Variants in LHFPL3 observed in about 807,000 individuals in gnomAD.
LHFPL3 encodes LHFPL tetraspan subfamily member 3 protein.
Under a neutral mutation model 19.3 loss-of-function variants are expected in LHFPL3, and 5 were observed. That is an observed-to-expected ratio of 0.26 (90% CI 0.14 to 0.54). The LOEUF is 0.54. LHFPL3 is among the 20% of genes least tolerant of loss of function. The pLI is 0.94. For synonymous variants in LHFPL3, 133 were observed against 126.2 expected, an observed-to-expected ratio of 1.05 and a Z score of -0.36; for missense variants, 249 against 307.4, an observed-to-expected ratio of 0.81 and a Z score of 1.42.
intron 2 of LHFPL3, among the ~76,000 whole-genome samples, chr7:104,893,641 TACAA>T (rs1792296144): frequency 1.3e-5 from 2 of 152,292 alleles, no homozygotes; most frequent in South Asian, 4.1e-4. Flanking sequence ...TCAGAGCATT[TACAA>T]ACATTTATTA....
At chr7:104,396,028 T>G (rs905817890) in intron 1 of LHFPL3, among the ~76,000 whole-genome samples, 4 of 152,100 alleles carry the variant, frequency 2.6e-5, no homozygotes, top group East Asian at 3.9e-4. Flanking sequence ...GAAGGACGCT[T>G]TGGAAGATCA....
At chr7:104,660,004 G>GTT (rs35499793) in intron 1 of LHFPL3, among the ~76,000 whole-genome samples, 35 of 140,490 alleles carry the variant, frequency 2.5e-4, no homozygotes, top group South Asian at 9.5e-4. Context: ...ACAGCAACTC[G>GTT]TTTTTTTTTT....
intron 1 of LHFPL3, among the ~76,000 whole-genome samples, chr7:104,686,221 T>C (rs1250675756): frequency 6.6e-6 from 1 of 151,558 alleles, no homozygotes; most frequent in East Asian, 1.9e-4. Flanking sequence ...GATGGAAGAG[T>C]CCAGCCCCAT....
At chr7:104,525,573 T>C (rs1183290938) in intron 1 of LHFPL3, among the ~76,000 whole-genome samples, 1 of 151,662 alleles carries the variant, frequency 6.6e-6, no homozygotes, top group Non-Finnish European at 1.5e-5. Context: ...TCCAGGTTTC[T>C]GTCTTTATCT....
chr7:104,825,768 T>C (rs1298171487), intron 2 of LHFPL3, among the ~76,000 whole-genome samples: 8 of 151,882 alleles, frequency 5.3e-5, no homozygotes, highest in Admixed American at 4.6e-4. Flanking sequence ...CATAAGATAG[T>C]TGCAGCAGCT....
intron 2 of LHFPL3, among the ~76,000 whole-genome samples, chr7:104,757,347 A>T (rs1313381234): frequency 1.3e-5 from 2 of 152,272 alleles, no homozygotes; most frequent in African/African-American, 2.4e-5. Context: ...AAAAACAAAA[A>T]CTGACAAGTG....
chr7:104,698,514 A>G (rs1201455587), intron 1 of LHFPL3, among the ~76,000 whole-genome samples: 1 of 152,256 alleles, frequency 6.6e-6, no homozygotes, highest in Non-Finnish European at 1.5e-5. Context: ...CGGCACTGTC[A>G]ACAAAGTAAA....
chr7:104,757,383 T>C (rs1289093267), intron 2 of LHFPL3, among the ~76,000 whole-genome samples: 1 of 152,146 alleles, frequency 6.6e-6, no homozygotes, highest in Non-Finnish European at 1.5e-5. Context: ...AAAGAACTTT[T>C]GCACAGCAAA....
At chr7:104,706,717 TGCCTTATAACA>T (rs1793196680) in intron 1 of LHFPL3, among the ~76,000 whole-genome samples, 1 of 152,188 alleles carries the variant, frequency 6.6e-6, no homozygotes, top group Admixed American at 6.5e-5. Flanking sequence ...TTTCACAAAA[TGCCTTATAACA>T]GCCTCCTCTT....
In LHFPL3 at chr7:104,713,634, C is replaced by T. The variant is rs564570432; in HGVS notation, c.446-23041C>T. 2.6e-5 allele frequency among the ~76,000 whole-genome samples: 4 copies of T among 152,202 alleles called. No homozygotes were observed. In the East Asian group the frequency reaches 5.8e-4, roughly 22 times the overall value. ...GAGGATTACAATTCAATGAGATTTG[C>T]GTGGGGAGGACACAGCCAAACCATA... On this transcript the variant is annotated intron_variant, in intron 1 of 2. Coordinates refer to ENST00000424859, the MANE Select transcript of LHFPL3 (RefSeq NM_199000.3).
At chr7:104,791,780 G>A (rs1790029143) in intron 2 of LHFPL3, among the ~76,000 whole-genome samples, 1 of 152,086 alleles carries the variant, frequency 6.6e-6, no homozygotes. Flanking sequence ...TTCCCCCAGG[G>A]GTGCAGGGTC....
At chr7:104,439,122 G>C (rs1282449010) in intron 1 of LHFPL3, among the ~76,000 whole-genome samples, 1 of 152,080 alleles carries the variant, frequency 6.6e-6, no homozygotes, top group Non-Finnish European at 1.5e-5. Context: ...ACAAACTTGA[G>C]TTCTAGGCAG....
At position 104,489,401 on chromosome 7, in the gene LHFPL3, G is replaced by A. The variant is rs530141569; in HGVS notation, c.445+160177G>A. ...GGACTCTGCATTTTCATTTTGCACT[G>A]GGTCTTGCAAATTATCTTGCAGATG... On this transcript the variant is annotated intron_variant, in intron 1 of 2. Coordinates refer to ENST00000424859, the MANE Select transcript of LHFPL3 (RefSeq NM_199000.3). 3.3e-5 allele frequency among the ~76,000 whole-genome samples: 5 copies of A among 151,990 alleles called. No homozygotes were observed. In the East Asian group the frequency reaches 9.7e-4, roughly 29 times the overall value.
intron 2 of LHFPL3, among the ~76,000 whole-genome samples, chr7:104,835,764 ATTT>A (rs869215991): frequency 1.8e-5 from 1 of 54,988 alleles, no homozygotes; most frequent in Admixed American, 1.9e-4. Flanking sequence ...AATTATTATT[ATTT>A]TTTTTTACTT....
At position 104,333,571 on chromosome 7, in the gene LHFPL3, C is replaced by A. The variant is rs567665463; in HGVS notation, c.445+4347C>A. On this transcript the variant is annotated intron_variant, in intron 1 of 2. Coordinates refer to ENST00000424859, the MANE Select transcript of LHFPL3 (RefSeq NM_199000.3). ...GGTTGAATTGTTTAGTCTGTTACCC[C>A]CTAGCCTCCTAGATTTAGTTCTGCC... Among the ~76,000 whole-genome samples the A allele has an allele frequency of 1.2e-4, 18 of 152,266 alleles. No homozygotes were observed. The East Asian group carries it at 3.5e-3, about 29-fold the overall frequency.
intron 1 of LHFPL3, among the ~76,000 whole-genome samples, chr7:104,555,578 A>T (rs1471329786): frequency 6.6e-6 from 1 of 152,216 alleles, no homozygotes; most frequent in Non-Finnish European, 1.5e-5. Context: ...ATCACCTCTC[A>T]TCGGGTTCCT....
chr7:104,786,621 C>T (rs1477680623), intron 2 of LHFPL3: 2 of 151,272 alleles, frequency 1.3e-5, no homozygotes, highest in East Asian at 1.9e-4. Flanking sequence ...ATAATAGGTG[C>T]CATTCTAAAC....
intron 1 of LHFPL3, among the ~76,000 whole-genome samples, chr7:104,551,448 T>C (rs1036410534): frequency 1.2e-4 from 18 of 152,132 alleles, no homozygotes; most frequent in African/African-American, 4.1e-4. Context: ...GCAGTGTTCT[T>C]CTTAGGAACA....
At chr7:104,825,028 C>T (rs1790790221) in intron 2 of LHFPL3, among the ~76,000 whole-genome samples, 1 of 149,664 alleles carries the variant, frequency 6.7e-6, no homozygotes, top group South Asian at 2.1e-4. Context: ...CAGGTGGAAT[C>T]TAGATTATCC....
Sources: gnomAD v4.1 joint callset for allele counts (sites outside exome capture counted in the v4.1 genomes callset) on GRCh38, gnomAD v4.1.1 for gene constraint, MANE v1.5 for transcripts, NCBI Gene and HGNC (gene_info 2026-07-23, HGNC 2026-07-21) for gene names.